Variants in TCF20 observed in about 807,000 individuals in gnomAD.
TCF20 encodes the protein transcription factor 20.
In TCF20, 3 loss-of-function variants were observed where a neutral mutation model predicts 148.6. That is an observed-to-expected ratio of 0.02 (90% CI 0.01 to 0.05). The LOEUF (loss-of-function observed/expected upper bound fraction) is 0.05, where lower values mean the gene tolerates loss of function less well. TCF20 is among the 10% of genes least tolerant of loss of function. The pLI is 1.00. For synonymous variants in TCF20, 1,049 were observed against 909.5 expected (o/e 1.15, Z -2.76); for missense variants, 2,350 against 2,429.3 (o/e 0.97, Z 0.69).
At chr22:42,237,647 A>T (rs1424211272) in intron 1 of TCF20, among the ~76,000 whole-genome samples, 1 of 152,244 alleles carries the variant, frequency 6.6e-6, no homozygotes, top group African/African-American at 2.4e-5. Context: ...TATGAAACAT[A>T]TTTCTTAAAT....
intron 3 of TCF20, among the ~76,000 whole-genome samples, chr22:42,174,832 G>C (rs10427654): frequency 5.9e-5 from 9 of 151,950 alleles, no homozygotes; most frequent in African/African-American, 2.2e-4. Flanking sequence ...TCAGGAGATC[G>C]AGACCATCCC....
At chr22:42,197,523 C>T (rs1937659639) in intron 2 of TCF20, among the ~76,000 whole-genome samples, 1 of 152,012 alleles carries the variant, frequency 6.6e-6, no homozygotes, top group Admixed American at 6.6e-5. Flanking sequence ...AGGGTTTCAC[C>T]GTGTTAGCCA....
At chr22:42,182,509 G>A (rs1958574709) in intron 2 of TCF20, among the ~76,000 whole-genome samples, 1 of 152,158 alleles carries the variant, frequency 6.6e-6, no homozygotes, top group African/African-American at 2.4e-5. Flanking sequence ...GCTTAGATCT[G>A]AACAATGTCC....
chr22:42,257,069 A>C (rs1168839082), intron 1 of TCF20, among the ~76,000 whole-genome samples: 1 of 152,188 alleles, frequency 6.6e-6, no homozygotes, highest in Non-Finnish European at 1.5e-5. Flanking sequence ...CCGAGGAAGG[A>C]AGATCATTTG....
rs1663993530 is a variant in TCF20, at chr22:42,211,339, G to A, written c.3967C>T (p.Pro1323Ser). Reference sequence around the variant, plus strand: ...ACAGCAGGGCAGTTTCTACTATCTGGACTTGGAAGGTCCTTGGAGGAATCT... The same window carrying A: ...ACAGCAGGGCAGTTTCTACTATCTGAACTTGGAAGGTCCTTGGAGGAATCT... ...KRDSSKDLPS[P>S]DSRNCPAVTL... Residue 1323 changes from proline to serine, a missense_variant, in exon 2 of 6, where the codon CCA (proline) becomes TCA (serine). By Grantham distance (74) the Pro-to-Ser change is moderately conservative. Around this residue, in one of 7 missense-constraint regions of TCF20, gnomAD observed 1,641 missense variants for 1,662.6 expected, o/e 0.99. Transcript: ENST00000677622. 1.2e-6 allele frequency: 2 copies of A among 1,614,156 alleles called. No homozygotes were observed. Among genetic ancestry groups the A allele is most frequent in the African/African-American group, 1.3e-5 (1 of 75,042 alleles).
chr22:42,168,797 G>A (rs1003708653), intron 4 of TCF20, 61 bp from the exon 5 acceptor site: 1 of 1,521,640 alleles, frequency 6.6e-7, no homozygotes, highest in Admixed American at 1.9e-5. Flanking sequence ...AGAAATCAGG[G>A]AGGGCAAAGG....
chr22:42,270,699 G>A (rs1217902118), upstream of TCF20, among the ~76,000 whole-genome samples: 2 of 140,678 alleles, frequency 1.4e-5, no homozygotes, highest in South Asian at 2.2e-4. Context: ...GCTCCGGGCC[G>A]CGGCGCGCGG....
At chr22:42,167,051 C>A (rs1935829537) in intron 5 of TCF20, among the ~76,000 whole-genome samples, 1 of 152,156 alleles carries the variant, frequency 6.6e-6, no homozygotes, top group Non-Finnish European at 1.5e-5. Context: ...TCTGGAAAAC[C>A]AGCAGCCACT....
chr22:42,302,252 C>G (rs540605567), intron 1 of TCF20, among the ~76,000 whole-genome samples: 1 of 152,268 alleles, frequency 6.6e-6, no homozygotes, highest in South Asian at 2.1e-4. Flanking sequence ...AGGACTGACA[C>G]TAGATGGCAC....
At position 42,213,306 on chromosome 22, in the gene TCF20, T is replaced by C; in HGVS notation, c.2000A>G (p.Lys667Arg). Residue 667 changes from lysine (K) to arginine (R), a missense_variant, in exon 2 of 6, where the codon AAG (lysine) becomes AGG (arginine). Lys to Arg is a conservative substitution (Grantham distance 26, BLOSUM62 2). Around this residue, in one of 7 missense-constraint regions of TCF20, gnomAD observed 1,641 missense variants for 1,662.6 expected, o/e 0.99. Coordinates refer to ENST00000677622, the MANE Select transcript of TCF20 (RefSeq NM_001378418.1). The stretch of plus-strand genomic sequence containing the variant: ...ATGGTTGGAGTTGTTATCGCCATTC[T>C]TGTTTCCTTTGCTCCCTCCTCCTCC... ...PPGGGGSKGN[K>R]NGDNNSNHNG... The C allele has an allele frequency of 2.5e-6, 4 of 1,614,202 alleles. No homozygotes were observed. The highest frequency in any genetic ancestry group is 1.1e-5 in the South Asian group (1 of 91,078).
rs774531309 is a variant in TCF20 at position 42,213,550 on chromosome 22, C to T, written c.1756G>A (p.Ala586Thr). Residue 586 changes from alanine (A) to threonine (T), a missense_variant, in exon 2 of 6, where the codon GCT becomes ACT. By Grantham distance (58) the Ala-to-Thr change is moderately conservative. Coordinates refer to ENST00000677622, the MANE Select transcript of TCF20 (RefSeq NM_001378418.1). ...AAREEATSPGAKDMPLSSDGN... is the reference protein window; with the variant it reads ...AAREEATSPGTKDMPLSSDGN... The stretch of plus-strand genomic sequence containing the variant: ...TCGGATGACAATGGCATGTCCTTAG[C>T]GCCTGGTGAGGTGGCCTCTTCTCTT... The T allele has an allele frequency of 1.7e-5, 28 of 1,614,068 alleles. No homozygotes were observed. Among genetic ancestry groups the T allele is most frequent in the African/African-American group, 2.7e-5 (2 of 74,928 alleles).
At chr22:42,180,422 G>A (rs1936713928) in intron 2 of TCF20, among the ~76,000 whole-genome samples, 1 of 152,116 alleles carries the variant, frequency 6.6e-6, no homozygotes, top group Non-Finnish European at 1.5e-5. Flanking sequence ...ATCTCTGTCA[G>A]CCCTGTGATG....
intron 5 of TCF20, among the ~76,000 whole-genome samples, chr22:42,162,217 T>C (rs1935511284): frequency 6.6e-6 from 1 of 152,080 alleles, no homozygotes; most frequent in Non-Finnish European, 1.5e-5. Context: ...CCCCAGCTGA[T>C]CTGCCCACCT....
rs1197967002 is a variant in TCF20 at position 42,179,508 on chromosome 22, A to AAT, written c.5749+100_5749+101insAT. ...GAAGTGACAAAAAAAAAAAAAAAAAAAAAGAAAAGAAAAGAAAAAAAACAA... is the reference window on the plus strand; with the variant it reads ...GAAGTGACAAAAAAAAAAAAAAAAAAATAAAGAAAAGAAAAGAAAAAAAACAA... On this transcript the variant is annotated intron_variant, in intron 3 of 5. Coordinates refer to ENST00000677622, the MANE Select transcript of TCF20 (RefSeq NM_001378418.1). 9.2e-6 allele frequency: 7 copies of AAT among 761,730 alleles called. No individual in the cohort carries two copies. In the East Asian group the frequency reaches 1.2e-4, roughly 13 times the overall value. 47.2% of individuals were successfully genotyped at this position (761,730 alleles called of 1,614,324 possible). A position where few individuals can be genotyped will look rare whatever the true frequency, so the allele number is the denominator to read the frequency against.
chr22:42,197,185 T>C (rs1250388127), intron 2 of TCF20, among the ~76,000 whole-genome samples: 1 of 152,156 alleles, frequency 6.6e-6, no homozygotes, highest in Non-Finnish European at 1.5e-5. Context: ...CTCATAATAT[T>C]TGCTTCCTTT....
chr22:42,240,681 T>C (rs5758670), intron 1 of TCF20, among the ~76,000 whole-genome samples: 53,627 of 151,988 alleles, frequency 0.35, 11,187 homozygotes, highest in South Asian at 0.47. Flanking sequence ...AGGCCTTGCA[T>C]AGGAGATAAC....
At chr22:42,224,056 A>G (rs1352145727) in intron 1 of TCF20, among the ~76,000 whole-genome samples, 1 of 152,222 alleles carries the variant, frequency 6.6e-6, no homozygotes, top group African/African-American at 2.4e-5. Context: ...AATGCTGCAT[A>G]TCTAAAAAGA....
rs763814744 is a variant in TCF20, at chr22:42,212,752, A to G, written c.2554T>C (p.Ser852Pro). The G allele has an allele frequency of 6.2e-7, 1 of 1,614,224 alleles. No individual in the cohort carries two copies. Among genetic ancestry groups the G allele is most frequent in the South Asian group, 1.1e-5 (1 of 91,088 alleles). The change falls in exon 2 of 6, where the codon TCA (serine) becomes CCA (proline). Residue 852 changes from serine (S) to proline (P), a missense_variant. Transcript: ENST00000677622. ...PRKFEIEPQS[S>P]AHEPGGSLSE... ...AGGGAACCCCCAGGCTCATGTGCTGATGACTGAGGCTCTATTTCAAACTTT... is the reference window on the plus strand; with the variant it reads ...AGGGAACCCCCAGGCTCATGTGCTGGTGACTGAGGCTCTATTTCAAACTTT...
At chr22:42,225,799 T>G (rs1922835400) in intron 1 of TCF20, among the ~76,000 whole-genome samples, 1 of 152,052 alleles carries the variant, frequency 6.6e-6, no homozygotes, top group Admixed American at 6.6e-5. Context: ...GGACCTCTAC[T>G]TCAGGAAACC....
Sources: gnomAD v4.1 joint callset for allele counts (sites outside exome capture counted in the v4.1 genomes callset) on GRCh38, gnomAD v4.1.1 for gene constraint, gnomAD v4.1.1 regional missense constraint, MANE v1.5 for transcripts, NCBI Gene and HGNC (gene_info 2026-07-23, HGNC 2026-07-21) for gene names.